Variants in N4BP2 observed in about 807,000 individuals in gnomAD.
N4BP2 encodes the protein NEDD4 binding protein 2.
N4BP2 carries 91 observed loss-of-function variants against 152.8 expected under a neutral mutation model. That is an observed-to-expected ratio of 0.60 (90% CI 0.50 to 0.71). The LOEUF is 0.71. N4BP2 is among the 30% of genes least tolerant of loss of function. N4BP2 has a pLI of 0.00. For synonymous variants in N4BP2, 646 were observed against 705.3 expected, an observed-to-expected ratio of 0.92 and a Z score of 1.33; for missense variants, 1,923 against 2,059.1, an observed-to-expected ratio of 0.93 and a Z score of 1.28.
rs766206709 is a variant in N4BP2 at position 40,121,901 on chromosome 4, G to C, written c.3790G>C (p.Glu1264Gln). 12 of 1,595,244 alleles carry C rather than the reference G, an allele frequency of 7.5e-6. No homozygotes were observed. Among genetic ancestry groups the C allele is most frequent in the Non-Finnish European group, 1.0e-5 (12 of 1,175,202 alleles). ...LKATTPKDMSETEKNLVVTET... is the reference protein window; with the variant it reads ...LKATTPKDMSQTEKNLVVTET... ...AGCTACTACTCCTAAAGATATGAGT[G>C]AAACAGAAAAAAACCTAGTAGTCAC... The change falls in exon 9 of 18, where the codon GAA (glutamate) becomes CAA (glutamine). Residue 1264 changes from glutamate to glutamine, a missense_variant. Glu to Gln is a conservative substitution (Grantham distance 29, BLOSUM62 2). Coordinates refer to ENST00000261435, the MANE Select transcript of N4BP2 (RefSeq NM_018177.6).
At chr4:40,149,547 A>G (rs1037529773) in intron 16 of N4BP2, among the ~76,000 whole-genome samples, 5 of 152,192 alleles carry the variant, frequency 3.3e-5, no homozygotes, top group Non-Finnish European at 4.4e-5. Flanking sequence ...TTAATTGCAT[A>G]TTTTAAAATG....
chr4:40,131,735 C>G, intron 12 of N4BP2, 66 bp from the exon 13 acceptor site: 2 of 1,146,738 alleles, frequency 1.7e-6, no homozygotes, highest in South Asian at 1.4e-5. Flanking sequence ...GTTAACCATG[C>G]CTTTGGTCAG....
Position 40,154,174 on chromosome 4 carries a change from CTT to C in N4BP2, c.5268-15_5268-14del, listed in dbSNP as rs756503424. ...TGAAATTTTCATCTTTAAAATAACT[CTT>C]TTCTCATTTCTGCAGGTTCTCTGAA... On this transcript the variant is annotated splice_polypyrimidine_tract_variant and intron_variant, in intron 17 of 17. Transcript: ENST00000261435. 1.3e-6 allele frequency: 2 copies of C among 1,583,054 alleles called. No individual in the cohort carries two copies. Among genetic ancestry groups the C allele is most frequent in the Admixed American group, 1.7e-5 (1 of 57,352 alleles).
chr4:40,173,584 T>TA, the N4BP2 span, among the ~76,000 whole-genome samples: 2 of 152,268 alleles, frequency 1.3e-5, no homozygotes, highest in South Asian at 4.1e-4. Flanking sequence ...TGAAGGGAAA[T>TA]ACGCTCTGTG....
chr4:40,062,288 C>T (rs1361120682), intron 1 of N4BP2, among the ~76,000 whole-genome samples: 2 of 151,992 alleles, frequency 1.3e-5, no homozygotes, highest in Non-Finnish European at 2.9e-5. Flanking sequence ...CCGTGTTAGC[C>T]AGGATAGTCT....
At chr4:40,174,796 TG>T in the N4BP2 span, among the ~76,000 whole-genome samples, 1 of 151,678 alleles carries the variant, frequency 6.6e-6, no homozygotes, top group Non-Finnish European at 1.5e-5. Flanking sequence ...AGTGAGATGC[TG>T]TCACAAAACA....
chr4:40,178,372 T>C, the N4BP2 span, among the ~76,000 whole-genome samples: 9 of 151,434 alleles, frequency 5.9e-5, no homozygotes, highest in African/African-American at 1.9e-4. Flanking sequence ...TTAAGATATA[T>C]AAATGTTGTA....
At chr4:40,117,646 A>T (rs1717466929) in intron 7 of N4BP2, among the ~76,000 whole-genome samples, 1 of 152,150 alleles carries the variant, frequency 6.6e-6, no homozygotes, top group Non-Finnish European at 1.5e-5. Context: ...GAAACTTCAA[A>T]TACTAGAATT....
chr4:40,124,253 G>A, intron 11 of N4BP2, 48 bp downstream of exon 11: 2 of 1,436,418 alleles, frequency 1.4e-6, no homozygotes, highest in Admixed American at 1.7e-5. Context: ...GAAATTTGGT[G>A]TGTGTGTTTG....
chr4:40,118,329 T>G (rs1717543664), intron 8 of N4BP2, among the ~76,000 whole-genome samples: 2 of 152,120 alleles, frequency 1.3e-5, no homozygotes, highest in Non-Finnish European at 2.9e-5. Context: ...GGTAGGAGAA[T>G]TGCTTGAACC....
At chr4:40,092,843 C>T (rs1164105492) in intron 2 of N4BP2, among the ~76,000 whole-genome samples, 3 of 151,772 alleles carry the variant, frequency 2.0e-5, no homozygotes, top group African/African-American at 4.8e-5. Context: ...GGGGTTTCAC[C>T]GTATTGGGCA....
At chr4:40,186,925 T>G in the N4BP2 span, among the ~76,000 whole-genome samples, 1 of 152,356 alleles carries the variant, frequency 6.6e-6, no homozygotes, top group East Asian at 1.9e-4. Flanking sequence ...TTGTTTTTTA[T>G]CTATGGGCCC....
the N4BP2 span, among the ~76,000 whole-genome samples, chr4:40,188,184 T>A: frequency 6.6e-6 from 1 of 152,198 alleles, no homozygotes; most frequent in South Asian, 2.1e-4. Flanking sequence ...ACTCACTTAG[T>A]GGAGAGACCA....
At position 40,120,855 on chromosome 4, in the gene N4BP2, A is replaced by G; in HGVS notation, c.2744A>G (p.Asn915Ser). The G allele has an allele frequency of 3.1e-6, 5 of 1,614,148 alleles. No homozygotes were observed. Among genetic ancestry groups the G allele is most frequent in the Non-Finnish European group, 4.2e-6 (5 of 1,180,032 alleles). The change falls in exon 9 of 18, where the codon AAT becomes AGT. Residue 915 changes from asparagine (N) to serine (S), a missense_variant. Asn to Ser is a conservative substitution (Grantham distance 46, BLOSUM62 1). Coordinates refer to ENST00000261435, the MANE Select transcript of N4BP2 (RefSeq NM_018177.6). ...LSEPNLEIGTNDKMNEISLST... is the reference protein window; with the variant it reads ...LSEPNLEIGTSDKMNEISLST... ...GAGCCCAACCTAGAAATTGGAACAA[A>G]TGACAAAATGAATGAAATATCCTTA...
chr4:40,077,136 AAT>A lies in N4BP2; in HGVS notation c.-115+3592_-115+3593del, dbSNP rs537356538. ...TTGGTCGATATTGAATATTATGTAG[AAT>A]ATATATGTGTGTGTGTGTGTGTGTA... is the stretch of plus-strand genomic sequence containing the variant. On this transcript the variant is annotated intron_variant, in intron 2 of 17. Transcript: ENST00000261435. Among the ~76,000 whole-genome samples the A allele has an allele frequency of 5.0e-3, 744 of 148,884 alleles. 1 individual carries two copies. Among genetic ancestry groups the A allele is most frequent in the South Asian group, 7.2e-3 (34 of 4,718 alleles).
In N4BP2 at chr4:40,121,173, A is replaced by G. The variant is rs975415306; in HGVS notation, c.3062A>G (p.Asp1021Gly). 21 of 1,614,168 alleles carry G rather than the reference A, an allele frequency of 1.3e-5. No homozygotes were observed. The highest frequency in any genetic ancestry group is 1.8e-5 in the Non-Finnish European group (21 of 1,180,044). Residue 1021 changes from aspartate to glycine, a missense_variant, in exon 9 of 18, where the codon GAT becomes GGT. Coordinates refer to ENST00000261435, the MANE Select transcript of N4BP2 (RefSeq NM_018177.6). ...ATGTGCACCCAGACTGAACCACAGG[A>G]TTTTGCTCTTTTATGGAAAATAGAA... ...VGMCTQTEPQ[D>G]FALLWKIEKN...
intron 12 of N4BP2, among the ~76,000 whole-genome samples, chr4:40,129,622 GAT>G (rs1491365640): frequency 6.6e-6 from 1 of 151,820 alleles, no homozygotes; most frequent in Non-Finnish European, 1.5e-5. Flanking sequence ...GCCTGAGAAA[GAT>G]AATTTTTTTC....
the N4BP2 span, among the ~76,000 whole-genome samples, chr4:40,171,275 A>G: frequency 9.9e-5 from 15 of 152,214 alleles, no homozygotes; most frequent in East Asian, 2.5e-3. Flanking sequence ...TAGCCAGGAA[A>G]CCAGGAGACG....
chr4:40,181,322 C>A, the N4BP2 span, among the ~76,000 whole-genome samples: 2 of 152,116 alleles, frequency 1.3e-5, no homozygotes, highest in Non-Finnish European at 2.9e-5. Context: ...TTCGTTTCTT[C>A]CGGATAGCAA....
Sources: allele counts gnomAD v4.1 joint callset (sites outside exome capture counted in the v4.1 genomes callset), GRCh38; gene constraint gnomAD v4.1.1; transcripts MANE v1.5; gene names NCBI Gene and HGNC (gene_info 2026-07-23, HGNC 2026-07-21).